Variants in POFUT2 observed in about 807,000 individuals in gnomAD.
POFUT2 encodes protein O-fucosyltransferase 2.
In POFUT2, 30 loss-of-function variants were observed where a neutral mutation model predicts 55.0. That is an observed-to-expected ratio of 0.55 (90% CI 0.41 to 0.74). The LOEUF is 0.74. POFUT2 is among the 30% of genes least tolerant of loss of function. The pLI is 0.00. For missense variants in POFUT2, 524 were observed against 562.6 expected, an observed-to-expected ratio of 0.93 and a Z score of 0.69; for synonymous variants, 267 against 231.1, an observed-to-expected ratio of 1.16 and a Z score of -1.41.
Position 45,265,738 on chromosome 21 carries a change from C to A in POFUT2, c.1137-103G>T. 1 of 1,503,226 alleles carries A rather than the reference C, an allele frequency of 6.7e-7. No individual in the cohort carries two copies. The highest frequency in any genetic ancestry group is 1.3e-5 in the South Asian group (1 of 76,096). 93.1% of individuals were successfully genotyped at this position (1,503,226 alleles called of 1,614,324 possible). A position where few individuals can be genotyped will look rare whatever the true frequency, so the allele number is the denominator to read the frequency against. On this transcript the variant is annotated intron_variant, in intron 8 of 8. Coordinates refer to ENST00000349485, the MANE Select transcript of POFUT2 (RefSeq NM_133635.6). This position sits in a 1 kb window ranked among gnomAD's most constrained non-coding sequence, Gnocchi z 4.6. ...GAGCAGCTGAGTGAAATGAGTTCCA[C>A]AGTTACATGGAACCAACACGGCCGT...
In POFUT2 at chr21:45,282,586, C is replaced by A; in HGVS notation, c.528-127G>T. The A allele has an allele frequency of 1.5e-6, 1 of 688,324 alleles. No homozygotes were observed. Among genetic ancestry groups the A allele is most frequent in the South Asian group, 1.6e-5 (1 of 62,902 alleles). 42.6% of individuals were successfully genotyped at this position (688,324 alleles called of 1,614,324 possible). A position where few individuals can be genotyped will look rare whatever the true frequency, so the allele number is the denominator to read the frequency against. ...AACGCGGCTGCTTTAGGAAAACTTA[C>A]TGATCGTGACTGCAGATCGTGACAT... On this transcript the variant is annotated intron_variant, in intron 3 of 8. Coordinates refer to ENST00000349485, the MANE Select transcript of POFUT2 (RefSeq NM_133635.6). The surrounding 1 kb of genome is among the most constrained non-coding windows in gnomAD (Gnocchi z 4.6).
intron 6 of POFUT2, among the ~76,000 whole-genome samples, chr21:45,274,301 A>G (rs1004513839): frequency 6.6e-6 from 1 of 152,240 alleles, no homozygotes; most frequent in African/African-American, 2.4e-5. Flanking sequence ...AACACTGCTG[A>G]AAGAATTCAT....
At chr21:45,269,496 C>T (rs2093197723) in intron 7 of POFUT2, among the ~76,000 whole-genome samples, 2 of 152,094 alleles carry the variant, frequency 1.3e-5, no homozygotes, top group Non-Finnish European at 2.9e-5. Context: ...ACCCCCAACC[C>T]TGTGCTCTCT....
Position 45,267,942 on chromosome 21 carries a change from G to T in POFUT2, c.1013-229C>A, listed in dbSNP as rs1442485716. ...CAGGTCTACCCAGAACAGAACCAGG[G>T]ATCAAGAAGAAAGGAAAGAAACGTG... On this transcript the variant is annotated intron_variant, in intron 7 of 8. Coordinates refer to ENST00000349485, the MANE Select transcript of POFUT2 (RefSeq NM_133635.6). The surrounding 1 kb of genome is among the most constrained non-coding windows in gnomAD (Gnocchi z 4.4). Among the ~76,000 whole-genome samples the T allele has an allele frequency of 6.6e-6, 1 of 152,128 alleles. No individual in the cohort carries two copies. Among genetic ancestry groups the T allele is most frequent in the Non-Finnish European group, 1.5e-5 (1 of 68,010 alleles).
In POFUT2 at chr21:45,277,183, C is replaced by A. The variant is rs201880195; in HGVS notation, c.706-41G>T. ...CGGCTCGGCTGAGAACACGCCCGCC[C>A]GCCACGCAGCCCTCCCGGAGCGGGT... On this transcript the variant is annotated intron_variant, in intron 5 of 8. Transcript: ENST00000349485. This position sits in a 1 kb window ranked among gnomAD's most constrained non-coding sequence, Gnocchi z 6.9. The A allele has an allele frequency of 1.3e-6, 2 of 1,598,378 alleles. No individual in the cohort carries two copies. The highest frequency in any genetic ancestry group is 1.7e-6 in the Non-Finnish European group (2 of 1,174,906).
chr21:45,266,311 G>T (rs1332635495), intron 8 of POFUT2: 2 of 1,364,952 alleles, frequency 1.5e-6, no homozygotes, highest in African/African-American at 1.5e-5. Flanking sequence ...AGGGCCAGCA[G>T]GCCACACAGG....
In POFUT2 at chr21:45,284,492, G is replaced by A. The variant is rs546764769; in HGVS notation, c.383-965C>T. ...CCAGTTCCTTCCCCACCTCACAGGC[G>A]AGGAAACAGCTCAGCAAAGCCCCAG... On this transcript the variant is annotated intron_variant, in intron 2 of 8. Coordinates refer to ENST00000349485, the MANE Select transcript of POFUT2 (RefSeq NM_133635.6). The surrounding 1 kb of genome is among the most constrained non-coding windows in gnomAD (Gnocchi z 5.8). Among the ~76,000 whole-genome samples the A allele has an allele frequency of 6.6e-6, 1 of 152,286 alleles. No individual in the cohort carries two copies. Among genetic ancestry groups the A allele is most frequent in the Admixed American group, 6.5e-5 (1 of 15,304 alleles).
At chr21:45,279,606 G>T (rs1183920604) in intron 4 of POFUT2, among the ~76,000 whole-genome samples, 1 of 152,164 alleles carries the variant, frequency 6.6e-6, no homozygotes, top group Non-Finnish European at 1.5e-5. Context: ...GGCCCTCGTG[G>T]CTGCCTGGGA....
chr21:45,273,824 A>G (rs1228424853), intron 6 of POFUT2, among the ~76,000 whole-genome samples: 1 of 152,234 alleles, frequency 6.6e-6, no homozygotes, highest in Non-Finnish European at 1.5e-5. Flanking sequence ...TCAAGATAAT[A>G]AAAGTCATCT....
intron 8 of POFUT2, chr21:45,266,400 G>A (rs111570998): frequency 1.8e-5 from 22 of 1,206,190 alleles, no homozygotes; most frequent in African/African-American, 4.8e-5. Flanking sequence ...AGAGCAGGCC[G>A]CGCCGGCCCG....
At chr21:45,268,818 G>A (rs2093185464) in intron 7 of POFUT2, among the ~76,000 whole-genome samples, 3 of 146,148 alleles carry the variant, frequency 2.1e-5, no homozygotes, top group African/African-American at 2.6e-5. Context: ...AGGTGGGGGG[G>A]TCAGCCCTCC....
In POFUT2 at chr21:45,282,065, C is replaced by G. The variant is rs2030717344; in HGVS notation, c.638+284G>C. Among the ~76,000 whole-genome samples the G allele has an allele frequency of 6.6e-6, 1 of 152,212 alleles. No individual in the cohort carries two copies. The highest frequency in any genetic ancestry group is 1.5e-5 in the Non-Finnish European group (1 of 68,030). On this transcript the variant is annotated intron_variant, in intron 4 of 8. Coordinates refer to ENST00000349485, the MANE Select transcript of POFUT2 (RefSeq NM_133635.6). This position sits in a 1 kb window ranked among gnomAD's most constrained non-coding sequence, Gnocchi z 4.6. ...CAGTCTCATGGTGAGCTCCCCGCCG[C>G]CCCCAGCCCAGCTCAGCCCCTCCCT...
At chr21:45,266,164 C>T (rs1268038453) in intron 8 of POFUT2, 7 of 1,366,744 alleles carry the variant, frequency 5.1e-6, no homozygotes, top group Middle Eastern at 2.1e-4. Context: ...CTCAGGTCAG[C>T]GGCCTGCCCG....
rs199950580 is a variant in POFUT2, at chr21:45,270,058, C to A, written c.832-39G>T. On this transcript the variant is annotated intron_variant, in intron 6 of 8. Coordinates refer to ENST00000349485, the MANE Select transcript of POFUT2 (RefSeq NM_133635.6). This position sits in a 1 kb window ranked among gnomAD's most constrained non-coding sequence, Gnocchi z 4.6. ...ACAAGGAAATGCAGAAGCTGACAGG[C>A]GGGCTCGGGGCTCATCCTGGGCACC... The A allele has an allele frequency of 3.4e-6, 5 of 1,477,222 alleles. No individual in the cohort carries two copies. In the African/African-American group the frequency reaches 7.2e-5, roughly 21 times the overall value. 91.5% of individuals were successfully genotyped at this position (1,477,222 alleles called of 1,614,324 possible). A position where few individuals can be genotyped will look rare whatever the true frequency, so the allele number is the denominator to read the frequency against.
At chr21:45,283,178 C>T (rs1054895778) in intron 3 of POFUT2, among the ~76,000 whole-genome samples, 1 of 147,708 alleles carries the variant, frequency 6.8e-6, no homozygotes, top group East Asian at 2.0e-4. Context: ...AGCGAGGGCA[C>T]TGCGGGGGAG....
Position 45,277,083 on chromosome 21 carries a change from G to A in POFUT2, c.765C>T (p.Ser255=). Residue 255 remains serine, a synonymous_variant, in exon 6 of 9, where the codon AGC becomes AGT. Transcript: ENST00000349485. This position sits in a 1 kb window ranked among gnomAD's most constrained non-coding sequence, Gnocchi z 6.9. ...HLREVGDEFR[S]RHLNSTDDAD... ...CGTCGTCCGTGGAGTTGAGATGTCT[G>A]CTCCTGAACTCGTCTCCCACCTCCC... 6.2e-7 allele frequency: 1 copy of A among 1,613,972 alleles called. No homozygotes were observed. The highest frequency in any genetic ancestry group is 8.5e-7 in the Non-Finnish European group (1 of 1,179,882).
In POFUT2 at chr21:45,277,390, T is replaced by G; in HGVS notation, c.706-248A>C. On this transcript the variant is annotated intron_variant, in intron 5 of 8. Coordinates refer to ENST00000349485, the MANE Select transcript of POFUT2 (RefSeq NM_133635.6). The surrounding 1 kb of genome is among the most constrained non-coding windows in gnomAD (Gnocchi z 6.9). ...TCTGCCAGCCCCTGCCGTGGGAAGC[T>G]GCGGCACACACTGGGCTCAGCTGGC... 1 of 504,898 alleles carries G rather than the reference T, an allele frequency of 2.0e-6. No homozygotes were observed. The allele number at this position is 504,898 out of a possible 1,614,324, so 31.3% of individuals were successfully genotyped here.
intron 8 of POFUT2, chr21:45,266,306 C>T: frequency 7.3e-7 from 1 of 1,365,834 alleles, no homozygotes; most frequent in Non-Finnish European, 9.8e-7. Flanking sequence ...GCCACAGGGC[C>T]AGCAGGCCAC....
rs1372641478 is a variant in POFUT2 at position 45,264,164 on chromosome 21, G to T, written c.*1318C>A. ...TTAAAAGCTTGAGAAGACACAGCAA[G>T]GTGATGTCCTAGACTAGCCAGGCTC... On this transcript the variant is annotated 3_prime_UTR_variant, in exon 9 of 9. Coordinates refer to ENST00000349485, the MANE Select transcript of POFUT2 (RefSeq NM_133635.6). The T allele has an allele frequency of 1.3e-5, 2 of 152,022 alleles. No individual in the cohort carries two copies. The highest frequency in any genetic ancestry group is 2.9e-5 in the Non-Finnish European group (2 of 67,922). 9.4% of individuals were successfully genotyped at this position (152,022 alleles called of 1,614,324 possible).
Sources: gnomAD v4.1 joint callset for allele counts (sites outside exome capture counted in the v4.1 genomes callset) on GRCh38, gnomAD v4.1.1 for gene constraint, Gnocchi (gnomAD v3.1) non-coding constraint, MANE v1.5 for transcripts, NCBI Gene and HGNC (gene_info 2026-07-23, HGNC 2026-07-21) for gene names.